GLI2: variants seen among roughly 807,000 people sequenced by gnomAD.
GLI2 encodes the protein GLI family zinc finger 2.
GLI2 carries 22 observed loss-of-function variants against 78.9 expected under a neutral mutation model. That is an observed-to-expected ratio of 0.28 (90% CI 0.20 to 0.40). GLI2 has a LOEUF of 0.40. GLI2 is among the 10% of genes least tolerant of loss of function. The pLI, the probability that GLI2 is intolerant of heterozygous loss-of-function variation, is 1.00. For synonymous variants in GLI2, 974 were observed against 963.7 expected (o/e 1.01, Z -0.20); for missense variants, 2,097 against 2,213.2 (o/e 0.95, Z 1.05).
At chr2:120,899,628 G>A (rs892743467) in intron 2 of GLI2, among the ~76,000 whole-genome samples, 6 of 152,170 alleles carry the variant, frequency 3.9e-5, no homozygotes, top group Admixed American at 6.5e-5. Context: ...TCACAGCAGC[G>A]TCTCAGAAGG....
At chr2:120,974,481 TCCTTCG>T (rs774142747) in intron 8 of GLI2, among the ~76,000 whole-genome samples, 6 of 152,206 alleles carry the variant, frequency 3.9e-5, no homozygotes, top group Non-Finnish European at 8.8e-5. Context: ...CAGGGGTCTT[TCCTTCG>T]CCTCATTAAA....
At chr2:120,864,712 G>A (rs767810571) in intron 2 of GLI2, among the ~76,000 whole-genome samples, 1 of 152,172 alleles carries the variant, frequency 6.6e-6, no homozygotes, top group Non-Finnish European at 1.5e-5. Flanking sequence ...CTCCCAAAGT[G>A]CTGGGATTAC....
intron 1 of GLI2, among the ~76,000 whole-genome samples, chr2:120,772,645 C>A (rs1005505512): frequency 1.2e-4 from 19 of 152,318 alleles, no homozygotes; most frequent in African/African-American, 4.6e-4. Context: ...TTGGAGAAGG[C>A]GGAATGAATA....
intron 2 of GLI2, among the ~76,000 whole-genome samples, chr2:120,908,947 C>G (rs767406201): frequency 9.2e-5 from 14 of 152,256 alleles, no homozygotes; most frequent in Middle Eastern, 3.4e-3. Flanking sequence ...TAGATCACCC[C>G]CCGTCTCTGC....
intron 2 of GLI2, among the ~76,000 whole-genome samples, chr2:120,868,121 C>G (rs946871350): frequency 6.6e-6 from 1 of 152,190 alleles, no homozygotes; most frequent in Non-Finnish European, 1.5e-5. Context: ...CCGGCAAAGC[C>G]GAGCTTCTGA....
intron 1 of GLI2, among the ~76,000 whole-genome samples, chr2:120,763,579 G>A (rs972321152): frequency 6.6e-6 from 1 of 152,220 alleles, no homozygotes; most frequent in African/African-American, 2.4e-5. Flanking sequence ...GGCCCTTGGG[G>A]AATGCTGTAG....
intron 2 of GLI2, among the ~76,000 whole-genome samples, chr2:120,887,964 G>C (rs1194508512): frequency 6.6e-6 from 1 of 152,238 alleles, no homozygotes; most frequent in East Asian, 1.9e-4. Context: ...GCTGCAGCTT[G>C]GGCACAGCTA....
chr2:120,961,104 C>G (rs1681532714), intron 5 of GLI2, among the ~76,000 whole-genome samples: 1 of 152,192 alleles, frequency 6.6e-6, no homozygotes, highest in African/African-American at 2.4e-5. Flanking sequence ...ACCCCCTCCC[C>G]CTCCACCACA....
At chr2:120,778,135 A>G (rs1320115251) in intron 1 of GLI2, among the ~76,000 whole-genome samples, 2 of 152,108 alleles carry the variant, frequency 1.3e-5, no homozygotes, top group Non-Finnish European at 2.9e-5. Context: ...GCTGCCACCT[A>G]ACTGATGAGT....
At chr2:120,779,648 C>T (rs569220253) in intron 1 of GLI2, among the ~76,000 whole-genome samples, 14 of 152,378 alleles carry the variant, frequency 9.2e-5, no homozygotes, top group African/African-American at 3.4e-4. Context: ...AGGGCTTTCT[C>T]TGTGCTAGGC....
intron 2 of GLI2, among the ~76,000 whole-genome samples, chr2:120,859,718 G>A (rs887912728): frequency 1.3e-5 from 2 of 151,376 alleles, no homozygotes; most frequent in Middle Eastern, 7.0e-3. Flanking sequence ...GCCTCCTAAA[G>A]TTTGGGGATT....
intron 1 of GLI2, among the ~76,000 whole-genome samples, chr2:120,755,873 A>C (rs1233108615): frequency 2.0e-5 from 3 of 152,192 alleles, no homozygotes; most frequent in Admixed American, 6.5e-5. Context: ...TTTGTAAAAA[A>C]ATCTGCTTCC....
At chr2:120,757,394 G>T (rs1461580996) in intron 1 of GLI2, among the ~76,000 whole-genome samples, 2 of 152,048 alleles carry the variant, frequency 1.3e-5, no homozygotes, top group Non-Finnish European at 2.9e-5. Flanking sequence ...TTGTTAGATG[G>T]GACCAGAGCC....
intron 3 of GLI2, among the ~76,000 whole-genome samples, chr2:120,930,380 A>G (rs926483460): frequency 2.6e-5 from 4 of 152,274 alleles, no homozygotes; most frequent in South Asian, 2.1e-4. Flanking sequence ...GAAGCAGCAC[A>G]GAGTGGGTAG....
intron 2 of GLI2, among the ~76,000 whole-genome samples, chr2:120,863,447 G>T (rs145034983): frequency 1.3e-5 from 2 of 152,352 alleles, no homozygotes; most frequent in East Asian, 3.9e-4. Flanking sequence ...TATGATGAGA[G>T]CCTGCCTTGC....
intron 1 of GLI2, among the ~76,000 whole-genome samples, chr2:120,767,648 C>T (rs1269285097): frequency 1.3e-5 from 2 of 152,248 alleles, no homozygotes; most frequent in Non-Finnish European, 2.9e-5. Flanking sequence ...CTGTGCCCCC[C>T]GCTCTGAGAG....
At chr2:120,894,034 CATGT>C (rs1677815294) in intron 2 of GLI2, among the ~76,000 whole-genome samples, 1 of 152,224 alleles carries the variant, frequency 6.6e-6, no homozygotes, top group African/African-American at 2.4e-5. Context: ...CAGCCCGCTG[CATGT>C]TAATCAATGC....
Position 120,876,788 on chromosome 2 carries a change from G to A in GLI2, c.149-50573G>A, listed in dbSNP as rs527431869. On this transcript the variant is annotated intron_variant, in intron 2 of 13. Transcript: ENST00000361492. ...GGCCGCCCATGTCAGGGTCAGGCAC[G>A]TGGGGTCCGAGGCAGGTGGAGGCTC... Among the ~76,000 whole-genome samples the A allele has an allele frequency of 7.2e-5, 11 of 152,282 alleles. No homozygotes were observed. The South Asian group carries it at 2.1e-3, about 29-fold the overall frequency.
Position 120,988,702 on chromosome 2 carries a change from G to C in GLI2, c.2737G>C (p.Gly913Arg), listed in dbSNP as rs1008980636. Residue 913 changes from glycine to arginine, a missense_variant, in exon 14 of 14, where the codon GGC becomes CGC. Physicochemically the swap from Gly to Arg is moderately radical, Grantham distance 125. Around this residue, in one of 5 missense-constraint regions of GLI2, gnomAD observed 1,290 missense variants for 1,261.7 expected, o/e 1.02. Transcript: ENST00000361492. ...CGCGCCCGAGCGCACGCTGCCCGCC[G>C]GCTGCCCACGCCCACTGGGGCCGCG... ...LDAPERTLPA[G>R]CPRPLGPRRG... The C allele has an allele frequency of 1.6e-6, 2 of 1,243,580 alleles. No homozygotes were observed. The highest frequency in any genetic ancestry group is 2.1e-5 in the South Asian group (1 of 48,736). 77.0% of individuals were successfully genotyped at this position (1,243,580 alleles called of 1,614,324 possible).
Sources: allele counts gnomAD v4.1 joint callset (sites outside exome capture counted in the v4.1 genomes callset), GRCh38; gene constraint gnomAD v4.1.1; regional missense constraint gnomAD v4.1.1; transcripts MANE v1.5; gene names NCBI Gene and HGNC (gene_info 2026-07-23, HGNC 2026-07-21).